Variants in FGD6 observed in about 807,000 individuals in gnomAD.
FGD6 encodes FYVE, RhoGEF and PH domain-containing protein 6.
A neutral mutation model predicts 149.4 loss-of-function variants in FGD6; 90 were observed. That is an observed-to-expected ratio of 0.60 (90% CI 0.51 to 0.72). The LOEUF is 0.72. Ranked by LOEUF, FGD6 falls within the 30% of genes least tolerant of loss-of-function variation. FGD6 has a pLI of 0.00. For synonymous variants in FGD6, 527 were observed against 584.0 expected (o/e 0.90, Z 1.41); for missense variants, 1,437 against 1,684.8 (o/e 0.85, Z 2.57).
chr12:95,135,668 T>C (rs1879645067), intron 7 of FGD6, among the ~76,000 whole-genome samples: 1 of 152,326 alleles, frequency 6.6e-6, no homozygotes, highest in East Asian at 1.9e-4. Context: ...GCTTCTAACA[T>C]AGCGCAAGTT....
At chr12:95,196,263 T>C (rs775934921) in intron 2 of FGD6, among the ~76,000 whole-genome samples, 7 of 152,250 alleles carry the variant, frequency 4.6e-5, no homozygotes, top group Non-Finnish European at 7.3e-5. Flanking sequence ...CAGCAGGTTG[T>C]GCATAGAAGG....
intron 5 of FGD6, among the ~76,000 whole-genome samples, chr12:95,151,322 G>A (rs1880303215): frequency 6.6e-6 from 1 of 152,116 alleles, no homozygotes; most frequent in Admixed American, 6.6e-5. Context: ...CCATGTTGGA[G>A]TGCAGTGGTA....
At chr12:95,132,976 T>G (rs1237301379) in intron 8 of FGD6, among the ~76,000 whole-genome samples, 1 of 152,214 alleles carries the variant, frequency 6.6e-6, no homozygotes, top group African/African-American at 2.4e-5. Flanking sequence ...ACACAACATG[T>G]GTATCAGTAC....
intron 8 of FGD6, among the ~76,000 whole-genome samples, chr12:95,130,773 T>C (rs112733538): frequency 0.01 from 1,568 of 151,978 alleles, 21 homozygotes; most frequent in African/African-American, 0.035. Context: ...ACAGCAACAG[T>C]AGATATGTCT....
intron 2 of FGD6, among the ~76,000 whole-genome samples, chr12:95,190,376 G>A (rs1252206565): frequency 6.6e-6 from 1 of 152,118 alleles, no homozygotes; most frequent in Non-Finnish European, 1.5e-5. Flanking sequence ...CGTCATGTTG[G>A]CTAGGCTGGT....
At chr12:95,186,222 CTTCTTCTTTTTTTTTTTTTTTT>C (rs1881425639) in intron 2 of FGD6, among the ~76,000 whole-genome samples, 1 of 10,300 alleles carries the variant, frequency 9.7e-5, no homozygotes, top group Non-Finnish European at 1.5e-4. Context: ...TTCTTATATT[CTTCTTCTTTTTTTTTTTTTTTT>C]TTTTTTTTTT....
intron 2 of FGD6, among the ~76,000 whole-genome samples, chr12:95,202,130 C>CTGTAATCCCA (rs1351171976): frequency 6.6e-6 from 1 of 151,978 alleles, no homozygotes; most frequent in Non-Finnish European, 1.5e-5. Flanking sequence ...TGAGTCATGC[C>CTGTAATCCCA]TGTAATCCCA....
intron 3 of FGD6, among the ~76,000 whole-genome samples, chr12:95,154,937 AT>A (rs1555220567): frequency 8.0e-6 from 1 of 125,702 alleles, no homozygotes; most frequent in African/African-American, 2.9e-5. Flanking sequence ...ATTTGGGAAA[AT>A]TTTTTTTTCT....
intron 14 of FGD6, among the ~76,000 whole-genome samples, chr12:95,096,316 T>C (rs896473374): frequency 2.0e-5 from 3 of 152,206 alleles, no homozygotes; most frequent in African/African-American, 7.2e-5. Flanking sequence ...ATCATCATTC[T>C]CAGAAAGCGC....
At chr12:95,090,324 C>T (rs549338307) in intron 17 of FGD6, among the ~76,000 whole-genome samples, 1 of 152,142 alleles carries the variant, frequency 6.6e-6, no homozygotes, top group Admixed American at 6.6e-5. Context: ...TTGAAGCAAA[C>T]TGGACTGTTG....
At chr12:95,157,569 A>AAAG (rs1355208230) in intron 3 of FGD6, among the ~76,000 whole-genome samples, 1 of 151,126 alleles carries the variant, frequency 6.6e-6, no homozygotes, top group African/African-American at 2.4e-5. Context: ...TCTGTCTCAA[A>AAAG]AAAAAAAAAA....
chr12:95,150,020 ACACACACACACACT>A (rs1329872151), intron 5 of FGD6, among the ~76,000 whole-genome samples: 4 of 118,550 alleles, frequency 3.4e-5, no homozygotes, highest in Non-Finnish European at 7.6e-5. Flanking sequence ...ACACACACAC[ACACACACACACACT>A]TTTTTTTTTT....
rs377226513 is a variant in FGD6, at chr12:95,107,009, G to T, written c.3362C>A (p.Pro1121Gln). The part of the protein sequence containing the change: ...LFNDALLYTT[P>Q]VQSGMYKLNN... ...CAGTTTATACATCCCAGACTGCACT[G>T]GTGTTGTATACAGCAGGGCATCATT... Residue 1121 changes from proline to glutamine, a missense_variant, in exon 13 of 21, where the codon CCA (proline) becomes CAA (glutamine). Pro to Gln is a moderately conservative substitution (Grantham distance 76, BLOSUM62 -1). Transcript: ENST00000343958. 21 of 1,613,396 alleles carry T rather than the reference G, an allele frequency of 1.3e-5. No homozygotes were observed. Among genetic ancestry groups the T allele is most frequent in the Non-Finnish European group, 1.7e-5 (20 of 1,179,666 alleles).
chr12:95,186,620 G>C (rs1303874508), intron 2 of FGD6, among the ~76,000 whole-genome samples: 1 of 151,584 alleles, frequency 6.6e-6, no homozygotes, highest in Non-Finnish European at 1.5e-5. Flanking sequence ...ATTTGTTTCT[G>C]TACTATCTGT....
At chr12:95,111,005 C>CA (rs1223500441) in intron 9 of FGD6, among the ~76,000 whole-genome samples, 1 of 151,752 alleles carries the variant, frequency 6.6e-6, no homozygotes, top group Non-Finnish European at 1.5e-5. Context: ...TTTCCTGAGA[C>CA]AGAGTCTTGC....
intron 2 of FGD6, among the ~76,000 whole-genome samples, chr12:95,192,351 G>A (rs563741336): frequency 6.6e-6 from 1 of 152,264 alleles, no homozygotes; most frequent in South Asian, 2.1e-4. Flanking sequence ...AAGGAAAGGG[G>A]TCCATTGTAC....
intron 1 of FGD6, among the ~76,000 whole-genome samples, chr12:95,212,252 A>G (rs1002251803): frequency 6.6e-6 from 1 of 152,210 alleles, no homozygotes; most frequent in Non-Finnish European, 1.5e-5. Context: ...GATCCTGGAC[A>G]TCTGTACATC....
At chr12:95,114,443 TACACACACACACACACACACACAC>T (rs60238488) in intron 8 of FGD6, among the ~76,000 whole-genome samples, 12 of 125,438 alleles carry the variant, frequency 9.6e-5, no homozygotes, top group South Asian at 2.8e-4. Flanking sequence ...CCATCTCTAC[TACACACACACACACACACACACAC>T]ACACACACAC....
intron 1 of FGD6, among the ~76,000 whole-genome samples, chr12:95,212,910 T>C (rs1165963193): frequency 1.3e-5 from 2 of 152,238 alleles, no homozygotes; most frequent in African/African-American, 4.8e-5. Context: ...ATATGATGTA[T>C]ATGATGATAC....
Sources: gnomAD v4.1 joint callset for allele counts (sites outside exome capture counted in the v4.1 genomes callset) on GRCh38, gnomAD v4.1.1 for gene constraint, MANE v1.5 for transcripts, NCBI Gene and HGNC (gene_info 2026-07-23, HGNC 2026-07-21) for gene names.